Variants in AGBL1 observed in about 807,000 individuals in gnomAD.
AGBL1 encodes the protein AGBL carboxypeptidase 1.
A neutral mutation model predicts 118.9 loss-of-function variants in AGBL1; 130 were observed. The ratio of observed to expected loss-of-function variants is 1.09; its 90% CI spans 0.95 to 1.26. The LOEUF (loss-of-function observed/expected upper bound fraction) is 1.26, where lower values mean the gene tolerates loss of function less well. Ranked by LOEUF, AGBL1 falls within the 50% of genes most tolerant of loss-of-function variation. The pLI, the probability that AGBL1 is intolerant of heterozygous loss-of-function variation, is 0.00. For missense variants in AGBL1, 1,584 were observed against 1,298.1 expected (o/e 1.22, Z -3.38); for synonymous variants, 555 against 478.9 (o/e 1.16, Z -2.08).
At chr15:86,611,917 G>A (rs1024300726) in intron 21 of AGBL1, among the ~76,000 whole-genome samples, 2 of 152,138 alleles carry the variant, frequency 1.3e-5, no homozygotes, top group Admixed American at 6.5e-5. Flanking sequence ...CAAGTGGCTG[G>A]TATTTAAAAT....
Position 86,167,458 on chromosome 15 carries a change from C to A in AGBL1, c.488+8432C>A, listed in dbSNP as rs1567099893. 5.9e-5 allele frequency among the ~76,000 whole-genome samples: 9 copies of A among 152,256 alleles called. No homozygotes were observed. In the South Asian group the frequency reaches 1.9e-3, roughly 32 times the overall value. ...ATGGGGTTTCACCATGTTGGCCAGG[C>A]TGATCTTGAACTCCTGACCTCAGGC... On this transcript the variant is annotated intron_variant, in intron 5 of 22. Coordinates refer to ENST00000614907, the MANE Select transcript of AGBL1 (RefSeq NM_001386094.1).
At chr15:86,537,820 G>A (rs192718600) in intron 19 of AGBL1, among the ~76,000 whole-genome samples, 2 of 152,178 alleles carry the variant, frequency 1.3e-5, no homozygotes, top group South Asian at 2.1e-4. Flanking sequence ...CCTCCTTTAG[G>A]ACTTCTTATA....
intron 18 of AGBL1, among the ~76,000 whole-genome samples, chr15:86,460,739 C>T (rs1002960519): frequency 1.6e-4 from 25 of 152,140 alleles, no homozygotes; most frequent in African/African-American, 4.8e-4. Context: ...CCTTCCTTGC[C>T]GCTTTTCCTT....
intron 21 of AGBL1, among the ~76,000 whole-genome samples, chr15:86,577,241 AG>A (rs1265988753): frequency 7.2e-5 from 11 of 152,236 alleles, no homozygotes; most frequent in Non-Finnish European, 1.5e-5. Flanking sequence ...CTGGAGCAAA[AG>A]TGACTCTTGT....
chr15:86,838,693 A>G (rs2079201597), intron 22 of AGBL1, among the ~76,000 whole-genome samples: 1 of 152,018 alleles, frequency 6.6e-6, no homozygotes, highest in African/African-American at 2.4e-5. Flanking sequence ...TAATCCCAGC[A>G]CTTTGAGAGG....
rs529955064 is a variant in AGBL1 at position 86,749,563 on chromosome 15, G to A, written c.3158+75127G>A. 1.4e-3 allele frequency among the ~76,000 whole-genome samples: 212 copies of A among 152,280 alleles called. 1 individual carries two copies. Among genetic ancestry groups the A allele is most frequent in the African/African-American group, 4.7e-3 (194 of 41,556 alleles). ...CAACACTATGTTGAATAGGAGTGGT[G>A]AGAGAGGGCATCCCTGTCTTGTGCC... On this transcript the variant is annotated intron_variant, in intron 22 of 22. Coordinates refer to ENST00000614907, the MANE Select transcript of AGBL1 (RefSeq NM_001386094.1).
intron 22 of AGBL1, among the ~76,000 whole-genome samples, chr15:86,712,441 A>G (rs914868612): frequency 6.6e-6 from 1 of 152,106 alleles, no homozygotes; most frequent in Non-Finnish European, 1.5e-5. Flanking sequence ...CACAGAATAA[A>G]CACTGAGAGA....
At chr15:86,923,491 C>G (rs1042292374) in intron 23 of AGBL1, among the ~76,000 whole-genome samples, 2 of 152,158 alleles carry the variant, frequency 1.3e-5, no homozygotes, top group East Asian at 3.8e-4. Flanking sequence ...CTCAGCTTAC[C>G]CCTGATCTGA....
In AGBL1 at chr15:86,143,711, G is replaced by T. The variant is rs756979963; in HGVS notation, c.128G>T (p.Arg43Ile). The T allele has an allele frequency of 1.2e-6, 2 of 1,613,662 alleles. No homozygotes were observed. The highest frequency in any genetic ancestry group is 2.2e-5 in the South Asian group (2 of 91,066). ...GDLLSVGTDR[R>I]IHYMISKGGS... ...GGTTTCCCCTCAGGCACAGACCGGA[G>T]AATTCACTACATGATCAGCAAGGGT... The change falls in exon 3 of 23, where the codon AGA (arginine) becomes ATA (isoleucine). Residue 43 changes from arginine to isoleucine, a missense_variant. Arg to Ile is a moderately conservative substitution (Grantham distance 97). Coordinates refer to ENST00000614907, the MANE Select transcript of AGBL1 (RefSeq NM_001386094.1).
intron 21 of AGBL1, among the ~76,000 whole-genome samples, chr15:86,577,370 A>G (rs192952185): frequency 6.6e-6 from 1 of 152,270 alleles, no homozygotes; most frequent in East Asian, 1.9e-4. Context: ...GCAGCAAAGC[A>G]TTCAAGAGGT....
intron 1 of AGBL1, among the ~76,000 whole-genome samples, chr15:86,095,311 C>A (rs1341535209): frequency 1.3e-5 from 2 of 152,108 alleles, no homozygotes; most frequent in Non-Finnish European, 2.9e-5. Context: ...ATCTCCAGTC[C>A]CTCTCCTTTC....
chr15:86,426,664 A>T (rs1262507097), intron 18 of AGBL1, among the ~76,000 whole-genome samples: 1 of 152,238 alleles, frequency 6.6e-6, no homozygotes, highest in African/African-American at 2.4e-5. Flanking sequence ...ACATTATAAT[A>T]TAAATGCACA....
chr15:86,424,538 G>T (rs1210047077), intron 18 of AGBL1, among the ~76,000 whole-genome samples: 1 of 152,190 alleles, frequency 6.6e-6, no homozygotes, highest in African/African-American at 2.4e-5. Context: ...ATTGACAAAT[G>T]GGATCTAATT....
chr15:86,231,561 C>T (rs1489785514), intron 6 of AGBL1, among the ~76,000 whole-genome samples: 2 of 152,240 alleles, frequency 1.3e-5, no homozygotes, highest in Non-Finnish European at 2.9e-5. Context: ...CTATATCCAT[C>T]ACGCTGTTGG....
intron 8 of AGBL1, among the ~76,000 whole-genome samples, 168 bp from the exon 9 acceptor site, chr15:86,257,796 T>C (rs2078920571): frequency 6.6e-6 from 1 of 152,306 alleles, no homozygotes; most frequent in South Asian, 2.1e-4. Context: ...ATGAACACCA[T>C]TTATACCGAC....
At chr15:86,533,376 G>C (rs900238897) in intron 19 of AGBL1, among the ~76,000 whole-genome samples, 2 of 122,726 alleles carry the variant, frequency 1.6e-5, no homozygotes, top group Non-Finnish European at 3.3e-5. Context: ...CATCATCACT[G>C]GCCATCAGAG....
chr15:86,269,811 T>G, intron 13 of AGBL1, 108 bp from the exon 14 acceptor site: 1 of 1,269,472 alleles, frequency 7.9e-7, no homozygotes, highest in Non-Finnish European at 1.1e-6. Flanking sequence ...GCTGAGATCC[T>G]GGGTCTTAGA....
chr15:86,633,133 C>T (rs1429764578), intron 21 of AGBL1, among the ~76,000 whole-genome samples: 1 of 152,006 alleles, frequency 6.6e-6, no homozygotes, highest in Non-Finnish European at 1.5e-5. Flanking sequence ...ATCTTGAAAG[C>T]AACTACAGAG....
At chr15:86,878,620 C>T (rs2079847825) in intron 22 of AGBL1, among the ~76,000 whole-genome samples, 1 of 152,072 alleles carries the variant, frequency 6.6e-6, no homozygotes, top group Non-Finnish European at 1.5e-5. Context: ...TCTTGTAAAG[C>T]ACTTGCCCAC....
Sources: allele counts gnomAD v4.1 joint callset (sites outside exome capture counted in the v4.1 genomes callset), GRCh38; gene constraint gnomAD v4.1.1; transcripts MANE v1.5; gene names NCBI Gene and HGNC (gene_info 2026-07-23, HGNC 2026-07-21).